Variants in EIF4A2 observed in about 807,000 individuals in gnomAD.
EIF4A2 encodes the protein eukaryotic initiation factor 4A-II.
A neutral mutation model predicts 50.6 loss-of-function variants in EIF4A2; 9 were observed. The observed-to-expected ratio is 0.18, with a 90% CI of 0.11 to 0.31. The LOEUF (loss-of-function observed/expected upper bound fraction) is 0.31, where lower values mean the gene tolerates loss of function less well. Among genes scored for constraint, EIF4A2 ranks in the 10% least tolerant of loss-of-function variants. The probability of loss-of-function intolerance (pLI) is 1.00; values close to 1 mark genes in which losing one functional copy is unlikely to be tolerated. For missense variants in EIF4A2, 182 were observed against 501.8 expected (o/e 0.36, Z 6.09); for synonymous variants, 215 against 164.4 (o/e 1.31, Z -2.35).
intron 10 of EIF4A2, chr3:186,788,483 A>T (rs915634148): frequency 2.6e-5 from 31 of 1,177,998 alleles, no homozygotes; most frequent in Admixed American, 6.8e-5. Context: ...CAGCTAAGGC[A>T]TTTTTTTGTA....
intron 4 of EIF4A2, chr3:186,785,327 G>T: frequency 1.7e-6 from 1 of 597,730 alleles, no homozygotes; most frequent in Non-Finnish European, 2.8e-6. Context: ...CGCTCTCTTG[G>T]ATGTACTAGA....
chr3:186,787,099 T>C (rs1721775447), intron 7 of EIF4A2, 28 bp from the exon 8 acceptor site: 2 of 1,611,842 alleles, frequency 1.2e-6, no homozygotes, highest in Non-Finnish European at 1.7e-6. Context: ...ACTAAATGAC[T>C]GTTAACTTTA....
chr3:186,784,026 G>A, intron 1 of EIF4A2: 1 of 414,154 alleles, frequency 2.4e-6, no homozygotes, highest in South Asian at 3.0e-5. Flanking sequence ...CTTTACTTGG[G>A]GAAGGGTTGG....
intron 10 of EIF4A2, chr3:186,788,540 T>C: frequency 1.2e-6 from 1 of 829,228 alleles, no homozygotes; most frequent in East Asian, 6.6e-5. Context: ...GTTTGTATTG[T>C]CTGGTTTCTA....
At chr3:186,788,415 G>A (rs1037519650) in intron 10 of EIF4A2, 48 of 1,260,772 alleles carry the variant, frequency 3.8e-5, no homozygotes, top group East Asian at 1.7e-4. Context: ...AATAAAGAGC[G>A]AGTCGGTATT....
chr3:186,784,392 G>T, intron 1 of EIF4A2, 40 bp from the exon 2 acceptor site: 1 of 1,614,030 alleles, frequency 6.2e-7, no homozygotes, highest in Non-Finnish European at 8.5e-7. Context: ...AGTTGAGGTG[G>T]CCTGGAAGGG....
intron 7 of EIF4A2, 37 bp from the exon 8 acceptor site, chr3:186,787,090 C>G (rs556787465): frequency 6.2e-7 from 1 of 1,610,682 alleles, no homozygotes; most frequent in Non-Finnish European, 8.5e-7. Flanking sequence ...GTTGGAAAAA[C>G]TAAATGACTG....
Position 186,784,837 on chromosome 3 carries a change from TGAAGA to T in EIF4A2, c.209-121_209-117del, listed in dbSNP as rs1721597744. The T allele has an allele frequency of 2.5e-6, 4 of 1,599,322 alleles. No homozygotes were observed. The East Asian group carries it at 8.9e-5, about 36-fold the overall frequency. The stretch of plus-strand genomic sequence containing the variant: ...ATCATCTTTCGGGACTGACCTGAAA[TGAAGA>T]GAATACTCATTGCTGATCACTTGAT... On this transcript the variant is annotated intron_variant, in intron 3 of 10. Coordinates refer to ENST00000323963, the MANE Select transcript of EIF4A2 (RefSeq NM_001967.4).
At position 186,789,419 on chromosome 3, in the gene EIF4A2, T is replaced by C. The variant is rs1017960806; in HGVS notation, c.*150T>C. 1 of 1,146,238 alleles carries C rather than the reference T, an allele frequency of 8.7e-7. No individual in the cohort carries two copies. The highest frequency in any genetic ancestry group is 1.2e-6 in the Non-Finnish European group (1 of 841,244). 71.0% of individuals were successfully genotyped at this position (1,146,238 alleles called of 1,614,324 possible). ...ACAGATTTTGATAGCAAAGCGACGT[T>C]AGTCGTGAGCTCTTGTGAGGAAAGT... On this transcript the variant is annotated 3_prime_UTR_variant, in exon 11 of 11. Transcript: ENST00000323963.
rs377170945 is a variant in EIF4A2, at chr3:186,783,603, T to C, written c.-8T>C. The stretch of plus-strand genomic sequence containing the variant: ...TTTTCAGTCGGGCGCTGAGTGGTTT[T>C]TCGGATCATGTCTGGTGGCTCCGCG... On this transcript the variant is annotated 5_prime_UTR_variant, in exon 1 of 11. Coordinates refer to ENST00000323963, the MANE Select transcript of EIF4A2 (RefSeq NM_001967.4). The C allele has an allele frequency of 6.1e-4, 992 of 1,614,112 alleles. No individual in the cohort carries two copies. Among genetic ancestry groups the C allele is most frequent in the Non-Finnish European group, 8.0e-4 (941 of 1,180,010 alleles).
In EIF4A2 at chr3:186,784,629, C is replaced by G. The variant is rs148354660; in HGVS notation, c.141C>G (p.Gly47=). Residue 47 remains glycine, a synonymous_variant, in exon 3 of 11, where the codon GGC becomes GGG. Transcript: ENST00000323963. ...ATTTAAAGGAGTCTCTCCTTCGTGG[C>G]ATCTATGCTTACGGTTTTGAGAAGC... ...DMNLKESLLR[G]IYAYGFEKPS... is the part of the protein sequence containing the mutation. The G allele has an allele frequency of 5.3e-4, 852 of 1,614,094 alleles. 16 individuals carry two copies. Among genetic ancestry groups the G allele is most frequent in the Middle Eastern group, 1.2e-3 (7 of 6,084 alleles).
chr3:186,785,546 G>T (rs757771214), intron 4 of EIF4A2: 3 of 311,788 alleles, frequency 9.6e-6, no homozygotes, highest in Admixed American at 4.5e-5. Context: ...ATACCCTCTG[G>T]GGGAAAAAAA....
At chr3:186,788,630 T>G (rs1412028620) in intron 10 of EIF4A2, 1 of 254,554 alleles carries the variant, frequency 3.9e-6, no homozygotes. Flanking sequence ...AAAAAAGCAG[T>G]GATAAGTTTG....
intron 10 of EIF4A2, chr3:186,788,334 G>A (rs754732638): frequency 2.4e-5 from 31 of 1,290,226 alleles, no homozygotes; most frequent in East Asian, 1.1e-4. Context: ...AGTTGGTGAC[G>A]AGATGGCACT....
At position 186,784,708 on chromosome 3, in the gene EIF4A2, T is replaced by G; in HGVS notation, c.208+12T>G. The G allele has an allele frequency of 6.2e-7, 1 of 1,612,318 alleles. No homozygotes were observed. Among genetic ancestry groups the G allele is most frequent in the Non-Finnish European group, 8.5e-7 (1 of 1,179,078 alleles). On this transcript the variant is annotated intron_variant, in intron 3 of 10. Coordinates refer to ENST00000323963, the MANE Select transcript of EIF4A2 (RefSeq NM_001967.4). Reference sequence around the variant, plus strand: ...TCCCTGTATTAAAGGTAAAAGAAACTGGCATTTTTAGGAAATTGTTCTACA... The same window carrying G: ...TCCCTGTATTAAAGGTAAAAGAAACGGGCATTTTTAGGAAATTGTTCTACA...
At chr3:186,783,673 G>T (rs754681207) in intron 1 of EIF4A2, 34 bp downstream of exon 1, 8 of 1,614,012 alleles carry the variant, frequency 5.0e-6, no homozygotes. Flanking sequence ...GGTCTGTAGT[G>T]AAGGTCATAG....
rs1246862190 is a variant in EIF4A2, at chr3:186,785,228, T to G, written c.348+127T>G. The G allele has an allele frequency of 4.3e-6, 6 of 1,388,018 alleles. No individual in the cohort carries two copies. In the South Asian group the frequency reaches 5.6e-5, roughly 13 times the overall value. The allele number at this position is 1,388,018 out of a possible 1,614,324, so 86.0% of individuals were successfully genotyped here. On this transcript the variant is annotated intron_variant, in intron 4 of 10. Coordinates refer to ENST00000323963, the MANE Select transcript of EIF4A2 (RefSeq NM_001967.4). ...ATCCCTCCTTTTAATTGTCCATGCATGCAGGGAGTTTTTGTTGAAAGTTTT... is the reference window on the plus strand; with the variant it reads ...ATCCCTCCTTTTAATTGTCCATGCAGGCAGGGAGTTTTTGTTGAAAGTTTT...
intron 5 of EIF4A2, 23 bp from the exon 6 acceptor site, chr3:186,786,141 C>G (rs769116952): frequency 1.2e-6 from 2 of 1,610,122 alleles, no homozygotes; most frequent in Non-Finnish European, 1.7e-6. Flanking sequence ...CTAGAAATGA[C>G]AGTATGACTT....
rs1358594436 is a variant in EIF4A2, at chr3:186,783,801, G to T, written c.29+162G>T. On this transcript the variant is annotated intron_variant, in intron 1 of 10. Coordinates refer to ENST00000323963, the MANE Select transcript of EIF4A2 (RefSeq NM_001967.4). ...GAAGCTTCCATGATGGGTAGGGCCC[G>T]GATTGTGGGGAGATAGGACGGTGGT... 4 of 1,122,428 alleles carry T rather than the reference G, an allele frequency of 3.6e-6. No individual in the cohort carries two copies. In the African/African-American group the frequency reaches 6.2e-5, roughly 17 times the overall value. The allele number at this position is 1,122,428 out of a possible 1,614,324, so 69.5% of individuals were successfully genotyped here.
Sources: gnomAD v4.1 joint callset for allele counts on GRCh38, gnomAD v4.1.1 for gene constraint, MANE v1.5 for transcripts, NCBI Gene and HGNC (gene_info 2026-07-23, HGNC 2026-07-21) for gene names.